Variants in ZNF678 observed in about 807,000 individuals in gnomAD.
ZNF678 encodes hypothetical protein MGC42493.
In ZNF678, 5 loss-of-function variants were observed where a neutral mutation model predicts 3.0. That is an observed-to-expected ratio of 1.69 (90% CI 0.88 to 3.56). The LOEUF (loss-of-function observed/expected upper bound fraction) is 3.56, where lower values mean the gene tolerates loss of function less well. Ranked by LOEUF, ZNF678 falls within the 30% of genes most tolerant of loss-of-function variation. The pLI, the probability that ZNF678 is intolerant of heterozygous loss-of-function variation, is 0.00. For synonymous variants in ZNF678, 218 were observed against 199.6 expected, an observed-to-expected ratio of 1.09 and a Z score of -0.78; for missense variants, 593 against 605.0, an observed-to-expected ratio of 0.98 and a Z score of 0.21.
intron 1 of ZNF678, among the ~76,000 whole-genome samples, chr1:227,583,938 C>G (rs868797857): frequency 3.3e-5 from 5 of 152,176 alleles, no homozygotes; most frequent in South Asian, 4.1e-4. Flanking sequence ...CATCCAAAAA[C>G]AAGAGATTCA....
chr1:227,568,077 T>A (rs940130332), intron 1 of ZNF678, among the ~76,000 whole-genome samples: 2 of 152,160 alleles, frequency 1.3e-5, no homozygotes, highest in African/African-American at 4.8e-5. Context: ...GAGGAATTAT[T>A]TGTTGGCTCA....
At position 227,638,269 on chromosome 1, in the gene ZNF678, G is replaced by A. The variant is rs568167220; in HGVS notation, c.-163-8275G>A. On this transcript the variant is annotated intron_variant, in intron 1 of 3. Coordinates refer to ENST00000343776, the MANE Select transcript of ZNF678 (RefSeq NM_001367909.1). The surrounding 1 kb of genome is among the most constrained non-coding windows in gnomAD (Gnocchi z 4.2). ...TAGAATAGAAAAATGGGTGGTATTG[G>A]AGGGAATTGCGGAAAGTGAAGTATA... is the stretch of plus-strand genomic sequence containing the variant. Among the ~76,000 whole-genome samples the A allele has an allele frequency of 6.6e-6, 1 of 152,326 alleles. No homozygotes were observed. Among genetic ancestry groups the A allele is most frequent in the East Asian group, 1.9e-4 (1 of 5,184 alleles).
At chr1:227,605,627 CAT>C (rs1463478319) in intron 1 of ZNF678, among the ~76,000 whole-genome samples, 4 of 152,130 alleles carry the variant, frequency 2.6e-5, no homozygotes. Context: ...GGATTACAAT[CAT>C]AAAGTACATT....
chr1:227,593,469 A>G (rs1342750849), intron 1 of ZNF678, among the ~76,000 whole-genome samples: 1 of 152,092 alleles, frequency 6.6e-6, no homozygotes, highest in Non-Finnish European at 1.5e-5. Context: ...TATGGCATGA[A>G]AGCTCTACAT....
intron 5 of ZNF678, among the ~76,000 whole-genome samples, chr1:227,673,036 G>T (rs1046425536): frequency 6.6e-6 from 1 of 152,148 alleles, no homozygotes; most frequent in African/African-American, 2.4e-5. Context: ...CCCCATGCCT[G>T]TATCATCCTC....
chr1:227,633,248 A>G (rs1262791337), intron 1 of ZNF678, among the ~76,000 whole-genome samples: 1 of 152,200 alleles, frequency 6.6e-6, no homozygotes, highest in East Asian at 1.9e-4. Flanking sequence ...GCAAGACTTA[A>G]TAGAGTGAAA....
rs183426157 is a variant in ZNF678 at position 227,595,695 on chromosome 1, C to G, written c.-164+31971C>G. On this transcript the variant is annotated intron_variant, in intron 1 of 3. Coordinates refer to ENST00000343776, the MANE Select transcript of ZNF678 (RefSeq NM_001367909.1). Reference sequence around the variant, plus strand: ...ACACACACACTTTTGCAGTTTACACCAAACCAAAATCAAAACCAAAATCAG... The same window carrying G: ...ACACACACACTTTTGCAGTTTACACGAAACCAAAATCAAAACCAAAATCAG... Among the ~76,000 whole-genome samples the G allele has an allele frequency of 1.1e-4, 16 of 152,186 alleles. No homozygotes were observed. The East Asian group carries it at 2.7e-3, about 26-fold the overall frequency.
At chr1:227,653,885 T>G (rs1050832480) in intron 3 of ZNF678, among the ~76,000 whole-genome samples, 1 of 152,260 alleles carries the variant, frequency 6.6e-6, no homozygotes, top group South Asian at 2.1e-4. Context: ...GTCTTTGTTA[T>G]GGGAAACAGA....
At chr1:227,652,257 T>C (rs1659109412) in intron 3 of ZNF678, among the ~76,000 whole-genome samples, 1 of 152,214 alleles carries the variant, frequency 6.6e-6, no homozygotes, top group Non-Finnish European at 1.5e-5. Context: ...TTTCCCAGTA[T>C]AATTGTTACC....
chr1:227,620,285 C>T (rs1444254580), intron 1 of ZNF678, among the ~76,000 whole-genome samples: 2 of 152,106 alleles, frequency 1.3e-5, no homozygotes, highest in African/African-American at 4.8e-5. Flanking sequence ...CTTTTTCCCC[C>T]CTTCCTCCCC....
At position 227,588,690 on chromosome 1, in the gene ZNF678, G is replaced by C. The variant is rs1657328317; in HGVS notation, c.-164+24966G>C. Among the ~76,000 whole-genome samples the C allele has an allele frequency of 3.3e-5, 5 of 151,846 alleles. No individual in the cohort carries two copies. The South Asian group carries it at 1.0e-3, about 32-fold the overall frequency. ...AGCTATTTTTTTCTATTTTTTAATA[G>C]AGGCAAGGTTTCACTTGTTGGCCAG... On this transcript the variant is annotated intron_variant, in intron 1 of 3. Transcript: ENST00000343776.
intron 1 of ZNF678, among the ~76,000 whole-genome samples, chr1:227,635,921 A>G (rs1658667635): frequency 6.6e-6 from 1 of 152,154 alleles, no homozygotes; most frequent in African/African-American, 2.4e-5. Flanking sequence ...AGAAAAGGGA[A>G]AACAGATGAC....
chr1:227,572,522 C>T (rs374590111), intron 1 of ZNF678, among the ~76,000 whole-genome samples: 1 of 152,196 alleles, frequency 6.6e-6, no homozygotes. Context: ...GGGACAGAAA[C>T]TAGCTGGCCA....
At chr1:227,591,350 G>A (rs1657408625) in intron 1 of ZNF678, among the ~76,000 whole-genome samples, 1 of 152,154 alleles carries the variant, frequency 6.6e-6, no homozygotes, top group Admixed American at 6.5e-5. Context: ...CCTTGCTGAA[G>A]GTAGACAGGA....
At chr1:227,583,304 A>C (rs1657176548) in intron 1 of ZNF678, among the ~76,000 whole-genome samples, 1 of 151,628 alleles carries the variant, frequency 6.6e-6, no homozygotes, top group African/African-American at 2.4e-5. Context: ...ATAACTTTGC[A>C]ACAATTCAAT....
At chr1:227,625,884 T>G (rs1176508021) in intron 1 of ZNF678, among the ~76,000 whole-genome samples, 1 of 152,072 alleles carries the variant, frequency 6.6e-6, no homozygotes, top group Non-Finnish European at 1.5e-5. Flanking sequence ...CCAGGACAAG[T>G]AGGATTATTT....
chr1:227,675,216 G>T (rs184839062), intron 5 of ZNF678, among the ~76,000 whole-genome samples: 97 of 152,252 alleles, frequency 6.4e-4, no homozygotes, highest in Admixed American at 1.5e-3. Flanking sequence ...AGATGCACCA[G>T]AGAACTTTCT....
intron 1 of ZNF678, among the ~76,000 whole-genome samples, chr1:227,644,558 G>C (rs1189377234): frequency 1.3e-5 from 2 of 152,094 alleles, no homozygotes; most frequent in Non-Finnish European, 1.5e-5. Context: ...TGTTGTGCCT[G>C]TTTTTTTCTA....
At chr1:227,575,079 A>G (rs961923656) in intron 1 of ZNF678, among the ~76,000 whole-genome samples, 3 of 151,918 alleles carry the variant, frequency 2.0e-5, no homozygotes, top group Non-Finnish European at 4.4e-5. Context: ...CCTTATTTCT[A>G]GGTTTTCTGT....
Sources: allele counts gnomAD v4.1 joint callset (sites outside exome capture counted in the v4.1 genomes callset), GRCh38; gene constraint gnomAD v4.1.1; non-coding constraint Gnocchi (gnomAD v3.1); transcripts MANE v1.5; gene names NCBI Gene and HGNC (gene_info 2026-07-23, HGNC 2026-07-21).